IL1RAPL2: variants seen among roughly 807,000 people sequenced by gnomAD.
IL1RAPL2 encodes X-linked interleukin-1 receptor accessory protein-like 2.
IL1RAPL2 carries 3 observed loss-of-function variants against 44.1 expected under a neutral mutation model. That is an observed-to-expected ratio of 0.07 (90% confidence interval 0.03 to 0.18). The LOEUF is 0.18. Among genes scored for constraint, IL1RAPL2 ranks in the 10% least tolerant of loss-of-function variants. The pLI is 1.00. For synonymous variants in IL1RAPL2, 181 were observed against 178.8 expected (o/e 1.01, Z -0.10); for missense variants, 391 against 496.4 (o/e 0.79, Z 2.02).
intron 1 of IL1RAPL2, among the ~76,000 whole-genome samples, chrX:104,582,970 C>T (rs1273001145): frequency 9.4e-6 from 1 of 106,393 alleles, no homozygotes; most frequent in African/African-American, 3.5e-5. Context: ...CTCACTGCAG[C>T]TTCGACCTCC....
chrX:105,177,417 A>G (rs757294855), intron 2 of IL1RAPL2, among the ~76,000 whole-genome samples: 9 of 110,934 alleles, frequency 8.1e-5, no homozygotes, highest in Admixed American at 3.9e-4. Context: ...ATATATTACA[A>G]TGTAACAATA....
At chrX:104,830,452 A>T (rs755416641) in intron 2 of IL1RAPL2, among the ~76,000 whole-genome samples, 108 of 111,838 alleles carry the variant, frequency 9.7e-4, no homozygotes, top group African/African-American at 3.3e-3. Context: ...TATTCAAGAT[A>T]TATGTGTGTA....
intron 1 of IL1RAPL2, among the ~76,000 whole-genome samples, chrX:104,636,929 G>A (rs925261539): frequency 5.4e-5 from 6 of 111,466 alleles, no homozygotes; most frequent in Admixed American, 9.5e-5. Flanking sequence ...CCTCTTCTGC[G>A]TCGCTCACTC....
chrX:104,592,195 T>TGTGTG (rs1928683379), intron 1 of IL1RAPL2, among the ~76,000 whole-genome samples: 1 of 51,378 alleles, frequency 1.9e-5, no homozygotes, highest in African/African-American at 5.4e-5. Flanking sequence ...GTGTGTGTGT[T>TGTGTG]ATTGGAGGTA....
At chrX:105,177,330 G>GGGA (rs1426764650) in intron 2 of IL1RAPL2, among the ~76,000 whole-genome samples, 1 of 110,220 alleles carries the variant, frequency 9.1e-6, no homozygotes, top group Non-Finnish European at 1.9e-5. Context: ...ACCCCCAGAT[G>GGGA]GGACCATCTA....
intron 6 of IL1RAPL2, among the ~76,000 whole-genome samples, chrX:105,564,600 C>T (rs1018410449): frequency 8.9e-6 from 1 of 111,850 alleles, no homozygotes; most frequent in Admixed American, 9.5e-5. Context: ...GCCAATTTTT[C>T]CCTTTTTAAT....
intron 6 of IL1RAPL2, among the ~76,000 whole-genome samples, chrX:105,660,058 A>G (rs113417109): frequency 0.02 from 2,184 of 111,437 alleles, 52 homozygotes; most frequent in African/African-American, 0.068. Context: ...GGTTGAACCC[A>G]AAGAAGACAC....
intron 2 of IL1RAPL2, among the ~76,000 whole-genome samples, chrX:105,132,188 T>G (rs1451065617): frequency 9.1e-6 from 1 of 110,011 alleles, no homozygotes; most frequent in Non-Finnish European, 1.9e-5. Flanking sequence ...AAAGAAAATG[T>G]CATATTAGCA....
intron 2 of IL1RAPL2, among the ~76,000 whole-genome samples, chrX:104,795,702 C>T (rs1569315980): frequency 9.0e-6 from 1 of 111,225 alleles, no homozygotes. Flanking sequence ...ACACTGGGGA[C>T]TCAGATACAC....
intron 2 of IL1RAPL2, among the ~76,000 whole-genome samples, chrX:104,906,860 G>T (rs1265718551): frequency 9.0e-6 from 1 of 111,541 alleles, no homozygotes. Context: ...TCTATTGATT[G>T]GAATAGTTTC....
chrX:105,640,751 T>C (rs2037562598), intron 6 of IL1RAPL2, among the ~76,000 whole-genome samples: 1 of 30,474 alleles, frequency 3.3e-5, no homozygotes, highest in Non-Finnish European at 6.4e-5. Flanking sequence ...TAGATAGATA[T>C]AGATATAGAT....
intron 5 of IL1RAPL2, among the ~76,000 whole-genome samples, chrX:105,332,962 T>A (rs1251108288): frequency 9.0e-6 from 1 of 111,533 alleles, no homozygotes; most frequent in East Asian, 2.8e-4. Flanking sequence ...ACAGATTCAA[T>A]GTAATCCTAT....
chrX:104,750,273 C>T (rs1932237151), intron 2 of IL1RAPL2, among the ~76,000 whole-genome samples: 1 of 111,350 alleles, frequency 9.0e-6, no homozygotes, highest in South Asian at 3.8e-4. Context: ...GGTCACCATT[C>T]AGCCTTTTAT....
intron 6 of IL1RAPL2, among the ~76,000 whole-genome samples, chrX:105,562,556 C>G (rs2036947261): frequency 9.3e-6 from 1 of 107,099 alleles, no homozygotes; most frequent in African/African-American, 3.5e-5. Flanking sequence ...CACATACACA[C>G]ACCACATAAT....
At chrX:104,847,077 T>A (rs1172277137) in intron 2 of IL1RAPL2, among the ~76,000 whole-genome samples, 5 of 112,187 alleles carry the variant, frequency 4.5e-5, no homozygotes, top group African/African-American at 1.6e-4. Context: ...GAGTTCTTTG[T>A]AGATTCTGGA....
At chrX:105,046,835 T>TG (rs1569369473) in intron 2 of IL1RAPL2, among the ~76,000 whole-genome samples, 28 of 101,546 alleles carry the variant, frequency 2.8e-4, no homozygotes, top group African/African-American at 5.6e-4. Context: ...TTTTTTTTTT[T>TG]TGGGGGGGTG....
Position 104,808,727 on chromosome X carries a change from G to A in IL1RAPL2, c.82+149732G>A. ...GATGGGGGACTGGAGAGAGAAAAGA[G>A]GTAAAGATGATTCCAGAGATATTGG... On this transcript the variant is annotated intron_variant, in intron 2 of 10. Coordinates refer to ENST00000372582, the MANE Select transcript of IL1RAPL2 (RefSeq NM_017416.2). Among the ~76,000 whole-genome samples, 4 of 111,810 alleles carry A rather than the reference G, an allele frequency of 3.6e-5. 1 individual carries two copies. The Middle Eastern group carries it at 0.019, about 520-fold the overall frequency.
intron 2 of IL1RAPL2, among the ~76,000 whole-genome samples, chrX:104,781,726 C>T (rs906955189): frequency 8.9e-6 from 1 of 112,035 alleles, no homozygotes; most frequent in African/African-American, 3.2e-5. Context: ...TGCTTATATC[C>T]TTTTGGCTAG....
chrX:105,230,742 A>G (rs111470138), intron 3 of IL1RAPL2, among the ~76,000 whole-genome samples: 37 of 111,129 alleles, frequency 3.3e-4, no homozygotes, highest in South Asian at 3.8e-4. Context: ...CCCACCTTCA[A>G]TGGAGCCACC....
Sources: gnomAD v4.1 joint callset for allele counts (sites outside exome capture counted in the v4.1 genomes callset) on GRCh38, gnomAD v4.1.1 for gene constraint, MANE v1.5 for transcripts, NCBI Gene and HGNC (gene_info 2026-07-23, HGNC 2026-07-21) for gene names.